The following GRID2 variants were observed in gnomAD, a reference collection of about 807,000 sequenced individuals.
The protein encoded by GRID2 is glutamate receptor ionotropic, delta-2.
Under a neutral mutation model 114.8 loss-of-function variants are expected in GRID2, and 33 were observed. The ratio of observed to expected loss-of-function variants is 0.29; its 90% CI spans 0.22 to 0.38. GRID2 has a LOEUF of 0.38. Among genes scored for constraint, GRID2 ranks in the 10% least tolerant of loss-of-function variants. The pLI is 1.00. For missense variants in GRID2, 1,184 were observed against 1,257.7 expected, an observed-to-expected ratio of 0.94 and a Z score of 0.89; for synonymous variants, 505 against 449.9, an observed-to-expected ratio of 1.12 and a Z score of -1.55.
intron 2 of GRID2, among the ~76,000 whole-genome samples, chr4:92,842,602 T>C (rs1429292698): frequency 6.6e-6 from 1 of 152,116 alleles, no homozygotes; most frequent in Non-Finnish European, 1.5e-5. Flanking sequence ...TCCTTTTAGA[T>C]AGTAGGCAGC....
intron 2 of GRID2, among the ~76,000 whole-genome samples, chr4:93,012,435 C>A (rs1386558581): frequency 1.3e-5 from 2 of 152,026 alleles, no homozygotes; most frequent in Non-Finnish European, 2.9e-5. Flanking sequence ...AAAATAAAAT[C>A]TATGAAAACA....
At chr4:93,129,913 C>T (rs2149373825) in intron 4 of GRID2, among the ~76,000 whole-genome samples, 2 of 152,234 alleles carry the variant, frequency 1.3e-5, no homozygotes, top group Middle Eastern at 6.8e-3. Flanking sequence ...GTGGATCTAA[C>T]TAGGGCAATT....
At chr4:93,575,052 A>G (rs1047697981) in intron 13 of GRID2, among the ~76,000 whole-genome samples, 4 of 152,146 alleles carry the variant, frequency 2.6e-5, no homozygotes, top group African/African-American at 9.7e-5. Flanking sequence ...CATTTTACAT[A>G]GTGGTTCAGG....
At chr4:92,728,427 A>G (rs2149322321) in intron 2 of GRID2, among the ~76,000 whole-genome samples, 1 of 152,124 alleles carries the variant, frequency 6.6e-6, no homozygotes, top group Middle Eastern at 3.4e-3. Context: ...GAAATTGGAG[A>G]TCTACTTGTA....
intron 2 of GRID2, among the ~76,000 whole-genome samples, chr4:92,791,705 CT>C (rs1739600598): frequency 6.6e-6 from 1 of 151,826 alleles, no homozygotes; most frequent in Non-Finnish European, 1.5e-5. Context: ...TAAACCATCA[CT>C]GAATTGTGTG....
chr4:92,640,883 A>G (rs1471539396), intron 2 of GRID2, among the ~76,000 whole-genome samples: 1 of 151,906 alleles, frequency 6.6e-6, no homozygotes, highest in Non-Finnish European at 1.5e-5. Context: ...ACATTACATG[A>G]TACATTTTAT....
intron 1 of GRID2, among the ~76,000 whole-genome samples, chr4:92,518,215 C>A (rs940150183): frequency 2.7e-5 from 4 of 150,760 alleles, no homozygotes; most frequent in Non-Finnish European, 5.9e-5. Flanking sequence ...TCAGTGGATT[C>A]TTTGCCTGAT....
intron 14 of GRID2, among the ~76,000 whole-genome samples, chr4:93,701,279 T>C (rs1429820939): frequency 2.0e-5 from 3 of 152,184 alleles, no homozygotes; most frequent in Admixed American, 6.5e-5. Flanking sequence ...GGAACGAGTT[T>C]AGAGCTAACG....
intron 4 of GRID2, among the ~76,000 whole-genome samples, chr4:93,138,596 A>T (rs551568964): frequency 6.6e-5 from 10 of 152,140 alleles, no homozygotes; most frequent in Admixed American, 1.3e-4. Flanking sequence ...CCCTCAGTTA[A>T]TTACACCTCC....
intron 4 of GRID2, among the ~76,000 whole-genome samples, chr4:93,178,380 ATTTTTTTTT>A (rs11428288): frequency 2.8e-4 from 14 of 50,332 alleles, no homozygotes; most frequent in Admixed American, 3.7e-4. Context: ...TTGAAAATAG[ATTTTTTTTT>A]TTTTTTTTTT....
intron 13 of GRID2, among the ~76,000 whole-genome samples, chr4:93,560,249 A>G (rs1351028621): frequency 7.0e-6 from 1 of 142,896 alleles, no homozygotes; most frequent in African/African-American, 2.5e-5. Context: ...AAAAAAAAAA[A>G]AAAACAGAAA....
intron 9 of GRID2, among the ~76,000 whole-genome samples, chr4:93,412,785 C>G (rs1013264487): frequency 6.6e-6 from 1 of 152,018 alleles, no homozygotes; most frequent in Non-Finnish European, 1.5e-5. Context: ...TGTGATGTTC[C>G]CCTCCCTGTG....
chr4:92,601,156 A>G (rs960782793), intron 2 of GRID2, among the ~76,000 whole-genome samples: 1 of 152,230 alleles, frequency 6.6e-6, no homozygotes, highest in African/African-American at 2.4e-5. Context: ...GAGGCAGTCT[A>G]GACAGGATCT....
In GRID2 at chr4:93,617,386, T is replaced by C. The variant is rs73841811; in HGVS notation, c.2194-8883T>C. On this transcript the variant is annotated intron_variant, in intron 13 of 15. Transcript: ENST00000282020. ...GGGAGACACAGAATCTTTTGATTGA[T>C]TTAGAAGTATTCCCTGTCTTATTCC... 4.3e-3 allele frequency among the ~76,000 whole-genome samples: 658 copies of C among 152,320 alleles called. 6 individuals carry two copies. The highest frequency in any genetic ancestry group is 0.015 in the African/African-American group (633 of 41,568).
In GRID2 at chr4:92,802,408, A is replaced by AC. The variant is rs542132905; in HGVS notation, c.244+212122_244+212123insC. Among the ~76,000 whole-genome samples the AC allele has an allele frequency of 1.5e-4, 23 of 152,018 alleles. No homozygotes were observed. In the South Asian group the frequency reaches 4.8e-3, roughly 32 times the overall value. On this transcript the variant is annotated intron_variant, in intron 2 of 15. Transcript: ENST00000282020. ...ATATCCACCATTATAGTGTTATACG[A>AC]AATTGTTTCACTGCCCTAAAAATTC...
chr4:92,329,274 G>A (rs1579188382), intron 1 of GRID2, among the ~76,000 whole-genome samples: 1 of 151,908 alleles, frequency 6.6e-6, no homozygotes, highest in Admixed American at 6.6e-5. Context: ...AACTGTGCTT[G>A]CTGGCTTCTT....
intron 2 of GRID2, among the ~76,000 whole-genome samples, chr4:92,830,042 A>G (rs1045221941): frequency 6.6e-6 from 1 of 151,818 alleles, no homozygotes; most frequent in Non-Finnish European, 1.5e-5. Flanking sequence ...ACACATATAT[A>G]CCTATGCAAC....
intron 1 of GRID2, among the ~76,000 whole-genome samples, chr4:92,558,372 A>C (rs1018301536): frequency 6.6e-6 from 1 of 152,156 alleles, no homozygotes; most frequent in Non-Finnish European, 1.5e-5. Context: ...CATTTTTTAA[A>C]GGCCAAACTT....
intron 9 of GRID2, among the ~76,000 whole-genome samples, chr4:93,410,692 T>C (rs922202755): frequency 7.2e-5 from 11 of 152,254 alleles, no homozygotes; most frequent in African/African-American, 2.7e-4. Flanking sequence ...CAAGTGATTC[T>C]CCTGCCTCAG....
Sources: gnomAD v4.1 joint callset for allele counts (sites outside exome capture counted in the v4.1 genomes callset) on GRCh38, gnomAD v4.1.1 for gene constraint, MANE v1.5 for transcripts, NCBI Gene and HGNC (gene_info 2026-07-23, HGNC 2026-07-21) for gene names.